The following AGBL1 variants were observed in gnomAD, a reference collection of about 807,000 sequenced individuals.
AGBL1 encodes cytosolic carboxypeptidase 4.
In AGBL1, 130 loss-of-function variants were observed where a neutral mutation model predicts 118.9. The observed-to-expected ratio is 1.09, with a 90% CI of 0.95 to 1.26. The LOEUF (loss-of-function observed/expected upper bound fraction) is 1.26, where lower values mean the gene tolerates loss of function less well. Ranked by LOEUF, AGBL1 falls within the 50% of genes most tolerant of loss-of-function variation. The pLI, the probability that AGBL1 is intolerant of heterozygous loss-of-function variation, is 0.00. For synonymous variants in AGBL1, 555 were observed against 478.9 expected, an observed-to-expected ratio of 1.16 and a Z score of -2.08; for missense variants, 1,584 against 1,298.1, an observed-to-expected ratio of 1.22 and a Z score of -3.38.
intron 22 of AGBL1, among the ~76,000 whole-genome samples, chr15:86,682,956 A>C (rs2085987694): frequency 6.6e-6 from 1 of 152,178 alleles, no homozygotes; most frequent in East Asian, 1.9e-4. Context: ...TAAGTTTGCC[A>C]AATGTCATGA....
intron 23 of AGBL1, among the ~76,000 whole-genome samples, chr15:86,970,309 A>G (rs550499425): frequency 6.6e-6 from 1 of 152,084 alleles, no homozygotes; most frequent in South Asian, 2.1e-4. Context: ...GGTACTTAGT[A>G]TGAGCAAGCA....
At chr15:86,602,229 C>T (rs117579606) in intron 21 of AGBL1, among the ~76,000 whole-genome samples, 1 of 152,138 alleles carries the variant, frequency 6.6e-6, no homozygotes, top group African/African-American at 2.4e-5. Flanking sequence ...TAATTCATCA[C>T]ATGTTGTATG....
chr15:86,950,833 A>G (rs1257582472), intron 23 of AGBL1, among the ~76,000 whole-genome samples: 1 of 152,178 alleles, frequency 6.6e-6, no homozygotes, highest in African/African-American at 2.4e-5. Flanking sequence ...TCTCAACATC[A>G]TTAATCATCA....
intron 21 of AGBL1, among the ~76,000 whole-genome samples, chr15:86,570,893 G>A (rs1304424051): frequency 6.6e-6 from 1 of 152,166 alleles, no homozygotes; most frequent in East Asian, 1.9e-4. Context: ...CTACTGGCCT[G>A]GATCCCATGC....
At chr15:86,262,078 CTTTTT>C (rs61365024) in intron 9 of AGBL1, among the ~76,000 whole-genome samples, 3 of 52,768 alleles carry the variant, frequency 5.7e-5, no homozygotes, top group Non-Finnish European at 1.1e-4. Context: ...GCATAGCTGG[CTTTTT>C]TTTTTTTTTT....
At chr15:86,340,072 A>G (rs968714650) in intron 17 of AGBL1, among the ~76,000 whole-genome samples, 1 of 152,164 alleles carries the variant, frequency 6.6e-6, no homozygotes, top group Non-Finnish European at 1.5e-5. Flanking sequence ...ATAACTGCTT[A>G]AAATCTTTGT....
intron 22 of AGBL1, among the ~76,000 whole-genome samples, chr15:86,785,994 C>A (rs190903733): frequency 9.1e-4 from 138 of 152,246 alleles, no homozygotes; most frequent in African/African-American, 3.2e-3. Flanking sequence ...AGGAGTGTAT[C>A]AGGTAGTTTG....
chr15:86,824,886 G>A (rs767931726), intron 22 of AGBL1, among the ~76,000 whole-genome samples: 9 of 151,770 alleles, frequency 5.9e-5, no homozygotes, highest in African/African-American at 1.5e-4. Flanking sequence ...GGAAAAACAC[G>A]ATCTCTACTC....
chr15:86,839,145 A>G (rs1254425145), intron 22 of AGBL1, among the ~76,000 whole-genome samples: 1 of 152,096 alleles, frequency 6.6e-6, no homozygotes, highest in African/African-American at 2.4e-5. Flanking sequence ...CATTGTTGAC[A>G]GTAAATGAAC....
intron 22 of AGBL1, among the ~76,000 whole-genome samples, chr15:86,677,603 C>G (rs1004400475): frequency 1.3e-5 from 2 of 152,126 alleles, no homozygotes; most frequent in Admixed American, 1.3e-4. Flanking sequence ...GAGCCCCCCA[C>G]CTCCATTTGT....
chr15:86,660,865 C>T (rs1440635943), intron 21 of AGBL1, among the ~76,000 whole-genome samples: 2 of 152,026 alleles, frequency 1.3e-5, no homozygotes, highest in Non-Finnish European at 2.9e-5. Flanking sequence ...CTCTCCTTCT[C>T]CAAAGTATTC....
At chr15:87,022,389 C>G (rs28839190) in intron 24 of AGBL1, among the ~76,000 whole-genome samples, 2,927 of 152,040 alleles carry the variant, frequency 0.019, 100 homozygotes, top group African/African-American at 0.068. Flanking sequence ...TGAATTAACC[C>G]AATCCAACGA....
intron 20 of AGBL1, among the ~76,000 whole-genome samples, chr15:86,547,962 G>T (rs1739643439): frequency 6.6e-6 from 1 of 152,090 alleles, no homozygotes; most frequent in Admixed American, 6.6e-5. Context: ...GTCCCACATA[G>T]TATATAACTC....
At chr15:86,691,987 T>A (rs537857569) in intron 22 of AGBL1, among the ~76,000 whole-genome samples, 1 of 152,088 alleles carries the variant, frequency 6.6e-6, no homozygotes, top group African/African-American at 2.4e-5. Flanking sequence ...TCCCTCTGAC[T>A]TCAAAGAGCA....
At chr15:86,549,687 T>G (rs1400988002) in intron 20 of AGBL1, among the ~76,000 whole-genome samples, 1 of 152,046 alleles carries the variant, frequency 6.6e-6, no homozygotes, top group Non-Finnish European at 1.5e-5. Flanking sequence ...CATGTTGGAT[T>G]CATAATTATT....
intron 5 of AGBL1, among the ~76,000 whole-genome samples, chr15:86,203,111 AATGATG>A (rs570110878): frequency 2.0e-5 from 3 of 151,664 alleles, no homozygotes; most frequent in African/African-American, 4.8e-5. Flanking sequence ...TGATAGTGAT[AATGATG>A]ATGATGATGA....
chr15:86,952,059 C>T (rs972604416), intron 23 of AGBL1, among the ~76,000 whole-genome samples: 3 of 151,912 alleles, frequency 2.0e-5, no homozygotes, highest in Non-Finnish European at 4.4e-5. Flanking sequence ...GGTGAAACCC[C>T]GTCTCTACTA....
intron 21 of AGBL1, among the ~76,000 whole-genome samples, chr15:86,580,509 A>T (rs952677863): frequency 6.6e-6 from 1 of 151,712 alleles, no homozygotes. Context: ...TTACATGCAT[A>T]TTTTTCTAGA....
chr15:86,303,741 T>C (rs1403956412), intron 17 of AGBL1, among the ~76,000 whole-genome samples: 1 of 152,176 alleles, frequency 6.6e-6, no homozygotes, highest in Non-Finnish European at 1.5e-5. Flanking sequence ...ATATATTTCA[T>C]CAGAATCAGT....
Sources: allele counts gnomAD v4.1 joint callset (sites outside exome capture counted in the v4.1 genomes callset), GRCh38; gene constraint gnomAD v4.1.1; transcripts MANE v1.5; gene names NCBI Gene and HGNC (gene_info 2026-07-23, HGNC 2026-07-21).